Variants in TNS3 observed in about 807,000 individuals in gnomAD.
TNS3 encodes the protein tensin 3, also known as tensin-3.
In TNS3, 45 loss-of-function variants were observed where a neutral mutation model predicts 140.9. That is an observed-to-expected ratio of 0.32 (90% CI 0.25 to 0.41). TNS3 has a LOEUF of 0.41. Ranked by LOEUF, TNS3 falls within the 10% of genes least tolerant of loss-of-function variation. The pLI, the probability that TNS3 is intolerant of heterozygous loss-of-function variation, is 1.00. For synonymous variants in TNS3, 815 were observed against 788.4 expected (o/e 1.03, Z -0.56); for missense variants, 1,716 against 1,906.7 (o/e 0.90, Z 1.86).
chr7:47,523,124 A>G (rs574884548), intron 2 of TNS3, among the ~76,000 whole-genome samples: 1 of 152,224 alleles, frequency 6.6e-6, no homozygotes, highest in South Asian at 2.1e-4. Context: ...TGTCTGGGGA[A>G]GACCCACTTC....
intron 1 of TNS3, among the ~76,000 whole-genome samples, chr7:47,572,951 T>C (rs1800592638): frequency 6.6e-6 from 1 of 152,150 alleles, no homozygotes; most frequent in African/African-American, 2.4e-5. Context: ...TGGTTACACC[T>C]GAATCCTTGC....
intron 20 of TNS3, among the ~76,000 whole-genome samples, chr7:47,315,294 C>T (rs1451734207): frequency 1.3e-5 from 2 of 152,244 alleles, no homozygotes; most frequent in African/African-American, 4.8e-5. Flanking sequence ...TCCGCCTAAG[C>T]AGCTGGTGTC....
At chr7:47,308,180 G>A (rs1355809413) in intron 20 of TNS3, among the ~76,000 whole-genome samples, 2 of 152,050 alleles carry the variant, frequency 1.3e-5, no homozygotes, top group Non-Finnish European at 2.9e-5. Context: ...GATATTCAAT[G>A]GTACCACTAC....
intron 20 of TNS3, among the ~76,000 whole-genome samples, chr7:47,311,318 T>C (rs1787077614): frequency 6.6e-6 from 1 of 152,084 alleles, no homozygotes; most frequent in Non-Finnish European, 1.5e-5. Context: ...GACGAGTTAA[T>C]GGGTGCAGCA....
At chr7:47,534,938 C>T (rs1799548174) in intron 1 of TNS3, among the ~76,000 whole-genome samples, 1 of 152,130 alleles carries the variant, frequency 6.6e-6, no homozygotes, top group Non-Finnish European at 1.5e-5. Context: ...GAGACTCAGG[C>T]CTCATATGCC....
chr7:47,449,469 G>C (rs1318427421), intron 4 of TNS3, among the ~76,000 whole-genome samples: 1 of 152,186 alleles, frequency 6.6e-6, no homozygotes, highest in East Asian at 1.9e-4. Context: ...CCTCATTCAT[G>C]TATCCCAGCT....
intron 9 of TNS3, 80 bp from the exon 10 acceptor site, chr7:47,424,264 T>A (rs1434637444): frequency 6.9e-7 from 1 of 1,457,500 alleles, no homozygotes; most frequent in East Asian, 2.3e-5. Flanking sequence ...ATGTGTCTCA[T>A]GGCTGTTCAA....
Position 47,568,783 on chromosome 7 carries a change from T to C in TNS3, c.-265+13268A>G, listed in dbSNP as rs1800486573. On this transcript the variant is annotated intron_variant, in intron 1 of 30. Coordinates refer to ENST00000311160, the MANE Select transcript of TNS3 (RefSeq NM_022748.12). ...GGAGTCGTGAGTGGCACCCACGTGA[T>C]ACCCTGCCATGTGTTTTACCCAGGG... Among the ~76,000 whole-genome samples the C allele has an allele frequency of 2.0e-5, 3 of 152,370 alleles. No individual in the cohort carries two copies. The South Asian group carries it at 6.2e-4, about 32-fold the overall frequency.
chr7:47,389,153 G>GC lies in TNS3; in HGVS notation c.1024+7646_1024+7647insG, dbSNP rs1407170448. Among the ~76,000 whole-genome samples, 101 of 34,992 alleles carry GC rather than the reference G, an allele frequency of 2.9e-3. 31 individuals carry two copies. The highest frequency in any genetic ancestry group is 5.6e-3 in the African/African-American group (100 of 17,828). 23.0% of individuals were successfully genotyped at this position (34,992 alleles called of 152,430 possible). On this transcript the variant is annotated intron_variant, in intron 16 of 30. Transcript: ENST00000311160. The stretch of plus-strand genomic sequence containing the variant: ...AGAAGAAGAAGAAGAAGAAGAAGAA[G>GC]AAGCAGAAGAAGCAGCAGAAGCAGA...
Position 47,435,267 on chromosome 7 carries a change from A to G in TNS3, c.324+15T>C, listed in dbSNP as rs751651594. Reference sequence around the variant, plus strand: ...GCCCAGCCAGACCCCCAAATGTGAGAGGGGGCGCACTCACCCTGCAGTGAA... The same window carrying G: ...GCCCAGCCAGACCCCCAAATGTGAGGGGGGGCGCACTCACCCTGCAGTGAA... On this transcript the variant is annotated intron_variant, in intron 8 of 30. Coordinates refer to ENST00000311160, the MANE Select transcript of TNS3 (RefSeq NM_022748.12). 4.3e-6 allele frequency: 7 copies of G among 1,613,288 alleles called. No individual in the cohort carries two copies. The highest frequency in any genetic ancestry group is 1.1e-5 in the South Asian group (1 of 90,976).
intron 20 of TNS3, among the ~76,000 whole-genome samples, chr7:47,330,593 CA>C (rs1418524320): frequency 6.6e-6 from 1 of 151,936 alleles, no homozygotes; most frequent in East Asian, 1.9e-4. Context: ...GCAGCAGAAA[CA>C]AAAGGACGGA....
At chr7:47,322,763 C>T (rs1172317594) in intron 20 of TNS3, among the ~76,000 whole-genome samples, 1 of 152,076 alleles carries the variant, frequency 6.6e-6, no homozygotes, top group Non-Finnish European at 1.5e-5. Flanking sequence ...CTGGAGACCC[C>T]GCAGAATCAC....
At chr7:47,366,722 G>T (rs1236367960) in intron 17 of TNS3, among the ~76,000 whole-genome samples, 1 of 152,196 alleles carries the variant, frequency 6.6e-6, no homozygotes. Flanking sequence ...TACTATGCAG[G>T]TCCCATGTGA....
At chr7:47,517,298 A>G (rs920930619) in intron 2 of TNS3, among the ~76,000 whole-genome samples, 2 of 152,128 alleles carry the variant, frequency 1.3e-5, no homozygotes, top group Non-Finnish European at 2.9e-5. Flanking sequence ...TCATCTTACC[A>G]GGGCTACCAG....
At chr7:47,366,709 C>T (rs1790725000) in intron 17 of TNS3, among the ~76,000 whole-genome samples, 1 of 73,810 alleles carries the variant, frequency 1.4e-5, no homozygotes, top group Admixed American at 1.5e-4. Flanking sequence ...CTGACTTTTG[C>T]TCTACTATGC....
intron 5 of TNS3, among the ~76,000 whole-genome samples, chr7:47,440,790 C>T (rs1280565316): frequency 3.3e-5 from 5 of 152,200 alleles, no homozygotes; most frequent in Admixed American, 6.5e-5. Flanking sequence ...GTGCACGGGA[C>T]GTGTCCTTAA....
rs375846214 is a variant in TNS3 at position 47,540,011 on chromosome 7, G to A, written c.-264-10864C>T. ...AGACCCTCACCTCAAAACTTGGGTG[G>A]CAGACTGGCCTCACTCCATCTTAAA... is the stretch of plus-strand genomic sequence containing the variant. On this transcript the variant is annotated intron_variant, in intron 1 of 30. Transcript: ENST00000311160. Among the ~76,000 whole-genome samples the A allele has an allele frequency of 7.2e-5, 11 of 152,212 alleles. No homozygotes were observed. The East Asian group carries it at 1.7e-3, about 24-fold the overall frequency.
intron 20 of TNS3, among the ~76,000 whole-genome samples, chr7:47,313,132 C>T (rs1295311908): frequency 2.6e-5 from 4 of 152,136 alleles, no homozygotes; most frequent in Non-Finnish European, 4.4e-5. Context: ...GAGGGAGCTT[C>T]ATCTGAAGGC....
At chr7:47,437,413 TA>T (rs571789665) in intron 6 of TNS3, 100 bp from the exon 7 acceptor site, 59 of 445,642 alleles carry the variant, frequency 1.3e-4, no homozygotes, top group South Asian at 4.4e-4. Flanking sequence ...ACTAATTTTT[TA>T]AAAAAATATC....
Sources: gnomAD v4.1 joint callset for allele counts (sites outside exome capture counted in the v4.1 genomes callset) on GRCh38, gnomAD v4.1.1 for gene constraint, MANE v1.5 for transcripts, NCBI Gene and HGNC (gene_info 2026-07-23, HGNC 2026-07-21) for gene names.